PITPNM2: variants seen among roughly 807,000 people sequenced by gnomAD.
PITPNM2 encodes phosphatidylinositol transfer protein membrane associated 2, also known as membrane-associated phosphatidylinositol transfer protein 2.
PITPNM2 carries 35 observed loss-of-function variants against 132.2 expected under a neutral mutation model. The ratio of observed to expected loss-of-function variants is 0.26; its 90% CI spans 0.20 to 0.35. The LOEUF (loss-of-function observed/expected upper bound fraction) is 0.35. Ranked by LOEUF, PITPNM2 falls within the 10% of genes least tolerant of loss-of-function variation. The pLI is 1.00. For synonymous variants in PITPNM2, 738 were observed against 799.2 expected (o/e 0.92, Z 1.29); for missense variants, 1,332 against 1,912.0 (o/e 0.70, Z 5.66).
rs1566241581 is a variant in PITPNM2, at chr12:123,004,529, G to A, written c.953-40C>T. The A allele has an allele frequency of 7.5e-6, 12 of 1,601,738 alleles. No homozygotes were observed. In the East Asian group the frequency reaches 1.8e-4, roughly 24 times the overall value. On this transcript the variant is annotated intron_variant, in intron 7 of 25. Transcript: ENST00000320201. This position sits in a 1 kb window ranked among gnomAD's most constrained non-coding sequence, Gnocchi z 4.9. ...CCCAGATTGACCGCCAACTGGAGAG[G>A]AAGGGCCCAGAGGCTGCCCTGAGCC...
intron 1 of PITPNM2, among the ~76,000 whole-genome samples, chr12:123,130,048 TAC>T (rs1357517933): frequency 1.3e-5 from 2 of 151,842 alleles, no homozygotes; most frequent in Non-Finnish European, 2.9e-5. Context: ...GGACTACAGG[TAC>T]ACACCACCAT....
rs2040519347 is a variant in PITPNM2, at chr12:123,042,450, C to T, written c.-95-7765G>A. Among the ~76,000 whole-genome samples the T allele has an allele frequency of 3.9e-5, 6 of 152,246 alleles. No homozygotes were observed. The South Asian group carries it at 8.3e-4, about 21-fold the overall frequency. On this transcript the variant is annotated intron_variant, in intron 2 of 25. Coordinates refer to ENST00000320201, the MANE Select transcript of PITPNM2 (RefSeq NM_020845.3). Reference sequence around the variant, plus strand: ...TTTTCCATGATTAGCAGGGGTCTGACGTCACAGATGGAATTTAGTGAGGCT... The same window carrying T: ...TTTTCCATGATTAGCAGGGGTCTGATGTCACAGATGGAATTTAGTGAGGCT...
In PITPNM2 at chr12:123,104,159, G is replaced by A. The variant is rs190750097; in HGVS notation, c.-96+6226C>T. 1.8e-3 allele frequency among the ~76,000 whole-genome samples: 279 copies of A among 152,286 alleles called. 7 individuals carry two copies. The highest frequency in any genetic ancestry group is 0.015 in the Admixed American group (232 of 15,296). On this transcript the variant is annotated intron_variant, in intron 2 of 25. Transcript: ENST00000320201. ...GGCTGAAGCCTGGTCTCGAACTCCC[G>A]ACCTCAGGTGATCTGCCCGTGTTGG... is the stretch of plus-strand genomic sequence containing the variant.
intron 2 of PITPNM2, among the ~76,000 whole-genome samples, chr12:123,061,769 T>A (rs2041241998): frequency 6.6e-6 from 1 of 152,158 alleles, no homozygotes; most frequent in Non-Finnish European, 1.5e-5. Context: ...TAGGAGAAGG[T>A]GGCTGCTAGC....
In PITPNM2 at chr12:123,004,398, C is replaced by T. The variant is rs765464619; in HGVS notation, c.1044G>A (p.Ala348=). The part of the protein sequence containing the change: ...DESSDDEFFD[A]HEDLSDTEEM... ...TGCAGAGCGCTGCCTGCCTACCGTG[C>T]GCATCGAAGAACTCATCATCTGAGC... The change falls in exon 8 of 26, where the codon GCG becomes GCA. Residue 348 remains alanine (A), a synonymous_variant. Coordinates refer to ENST00000320201, the MANE Select transcript of PITPNM2 (RefSeq NM_020845.3). The surrounding 1 kb of genome is among the most constrained non-coding windows in gnomAD (Gnocchi z 4.9). 4.1e-5 allele frequency: 66 copies of T among 1,613,658 alleles called. No individual in the cohort carries two copies. In the South Asian group the frequency reaches 4.2e-4, roughly 10 times the overall value.
chr12:123,125,982 G>C (rs1423051671), intron 1 of PITPNM2, among the ~76,000 whole-genome samples: 1 of 127,178 alleles, frequency 7.9e-6, no homozygotes, highest in Admixed American at 1.0e-4. Context: ...CCATTCTCCT[G>C]TCTCAGCCTC....
chr12:123,000,671 G>T lies in PITPNM2; in HGVS notation c.1224+107C>A. On this transcript the variant is annotated intron_variant, in intron 10 of 25. Coordinates refer to ENST00000320201, the MANE Select transcript of PITPNM2 (RefSeq NM_020845.3). This position sits in a 1 kb window ranked among gnomAD's most constrained non-coding sequence, Gnocchi z 5.4. ...GTACCCAGGCAGGCGTGGAGGTGAG[G>T]CTGCCAGGCCCAGAGTTCCACCTCT... The T allele has an allele frequency of 7.9e-7, 1 of 1,258,598 alleles. No individual in the cohort carries two copies. Among genetic ancestry groups the T allele is most frequent in the Non-Finnish European group, 1.1e-6 (1 of 891,238 alleles). 78.0% of individuals were successfully genotyped at this position (1,258,598 alleles called of 1,614,324 possible).
At chr12:123,113,980 A>T (rs2137367935) in intron 1 of PITPNM2, among the ~76,000 whole-genome samples, 1 of 152,294 alleles carries the variant, frequency 6.6e-6, no homozygotes, top group East Asian at 1.9e-4. Flanking sequence ...TTCACTTAGC[A>T]TAATGTTTCT....
Position 122,986,729 on chromosome 12 carries a change from G to A in PITPNM2, c.3514C>T (p.His1172Tyr), listed in dbSNP as rs1344138583. ...CCGTCACAGAAGGACACCACGCCAT[G>A]GGGGAAGTTGTGCTGGGCCAGCCAC... is the stretch of plus-strand genomic sequence containing the variant. ...VAWLAQHNFP[H>Y]GVVSFCDGLV... The change falls in exon 24 of 26, where the codon CAT (histidine) becomes TAT (tyrosine). Residue 1172 changes from histidine to tyrosine, a missense_variant. By Grantham distance (83) the His-to-Tyr change is moderately conservative. Coordinates refer to ENST00000320201, the MANE Select transcript of PITPNM2 (RefSeq NM_020845.3). 4 of 1,613,592 alleles carry A rather than the reference G, an allele frequency of 2.5e-6. No individual in the cohort carries two copies. In the South Asian group the frequency reaches 4.4e-5, roughly 18 times the overall value.
At chr12:123,066,265 C>T (rs1261320472) in intron 2 of PITPNM2, among the ~76,000 whole-genome samples, 1 of 151,982 alleles carries the variant, frequency 6.6e-6, no homozygotes, top group Non-Finnish European at 1.5e-5. Flanking sequence ...CAAGATCGAG[C>T]AAGGGGAGGG....
intron 1 of PITPNM2, among the ~76,000 whole-genome samples, chr12:123,137,789 A>T (rs2043413646): frequency 6.6e-6 from 1 of 151,538 alleles, no homozygotes; most frequent in Non-Finnish European, 1.5e-5. Flanking sequence ...GCTACTCAGG[A>T]GGCTGAGGCA....
At chr12:123,124,544 T>C in intron 1 of PITPNM2, among the ~76,000 whole-genome samples, 1 of 152,162 alleles carries the variant, frequency 6.6e-6, no homozygotes, top group East Asian at 1.9e-4. Context: ...AAAACTAAGA[T>C]ATTGAAGACA....
chr12:122,995,278 A>G, intron 14 of PITPNM2, 111 bp downstream of exon 14: 1 of 1,431,434 alleles, frequency 7.0e-7, no homozygotes, highest in Non-Finnish European at 9.3e-7. Context: ...GGCTGGGGGA[A>G]CCTCAGGCAG....
intron 3 of PITPNM2, among the ~76,000 whole-genome samples, chr12:123,018,293 C>CTTTTTTTTTTTTTTTTTT (rs3085478): frequency 5.5e-5 from 7 of 126,330 alleles, no homozygotes; most frequent in Middle Eastern, 3.9e-3. Flanking sequence ...TTTTTCTTTT[C>CTTTTTTTTTTTTTTTTTT]TTTTTTTTTT....
At chr12:123,094,388 T>C (rs1165166484) in intron 2 of PITPNM2, among the ~76,000 whole-genome samples, 2 of 152,218 alleles carry the variant, frequency 1.3e-5, no homozygotes, top group South Asian at 2.1e-4. Flanking sequence ...AAAGGCCCCA[T>C]GTCTTCACCC....
intron 17 of PITPNM2, among the ~76,000 whole-genome samples, chr12:122,990,222 A>C (rs1307039089): frequency 2.6e-5 from 4 of 152,258 alleles, no homozygotes; most frequent in Non-Finnish European, 5.9e-5. Flanking sequence ...GCTGTGCTTC[A>C]AGCACCAAGA....
intron 2 of PITPNM2, among the ~76,000 whole-genome samples, chr12:123,055,425 C>T (rs1234132970): frequency 6.6e-6 from 1 of 152,192 alleles, no homozygotes; most frequent in African/African-American, 2.4e-5. Context: ...ACCTCAAAGG[C>T]TTCTCCCGTC....
intron 5 of PITPNM2, among the ~76,000 whole-genome samples, chr12:123,011,225 A>G (rs553439666): frequency 3.9e-5 from 6 of 152,270 alleles, no homozygotes; most frequent in East Asian, 3.9e-4. Flanking sequence ...ATTTTCTCCA[A>G]TGTGTGGGCC....
intron 1 of PITPNM2, among the ~76,000 whole-genome samples, chr12:123,116,409 G>A (rs1385759036): frequency 6.6e-6 from 1 of 152,098 alleles, no homozygotes; most frequent in African/African-American, 2.4e-5. Context: ...CAGTGCTTCA[G>A]GAGGCCAAGG....
Sources: allele counts gnomAD v4.1 joint callset (sites outside exome capture counted in the v4.1 genomes callset), GRCh38; gene constraint gnomAD v4.1.1; non-coding constraint Gnocchi (gnomAD v3.1); transcripts MANE v1.5; gene names NCBI Gene and HGNC (gene_info 2026-07-23, HGNC 2026-07-21).